FEN1: variants seen among roughly 807,000 people sequenced by gnomAD.
FEN1 encodes flap endonuclease 1.
Under a neutral mutation model 24.7 loss-of-function variants are expected in FEN1, and 19 were observed. The observed-to-expected ratio is 0.77, with a 90% confidence interval of 0.54 to 1.13. The LOEUF is 1.13. Ranked by LOEUF, FEN1 falls within the 50% of genes most tolerant of loss-of-function variation. The pLI, the probability that FEN1 is intolerant of heterozygous loss-of-function variation, is 0.00. For synonymous variants in FEN1, 155 were observed against 189.2 expected (o/e 0.82, Z 1.48); for missense variants, 339 against 488.7 (o/e 0.69, Z 2.89).
rs556821265 is a variant in FEN1 at position 61,795,023 on chromosome 11, G to A, written c.-21-318G>A. Among the ~76,000 whole-genome samples the A allele has an allele frequency of 7.9e-5, 12 of 152,212 alleles. No individual in the cohort carries two copies. Among genetic ancestry groups the A allele is most frequent in the Non-Finnish European group, 1.5e-4 (10 of 68,016 alleles). Reference sequence around the variant, plus strand: ...CAGGCCAAGCATCCTGGCCTTCTGTGGTCCTTGATGGAGACCTATGTTGCA... The same window carrying A: ...CAGGCCAAGCATCCTGGCCTTCTGTAGTCCTTGATGGAGACCTATGTTGCA... On this transcript the variant is annotated intron_variant, in intron 1 of 1. Transcript: ENST00000305885. This position sits in a 1 kb window ranked among gnomAD's most constrained non-coding sequence, Gnocchi z 4.1.
Position 61,793,037 on chromosome 11 carries a change from C to A in FEN1, c.-22+9C>A, listed in dbSNP as rs1365131109. 1.2e-5 allele frequency: 2 copies of A among 162,190 alleles called. No homozygotes were observed. The highest frequency in any genetic ancestry group is 2.7e-5 in the Non-Finnish European group (2 of 73,192). 10.0% of individuals were successfully genotyped at this position (162,190 alleles called of 1,614,324 possible). Reference sequence around the variant, plus strand: ...CGTGTCCCAAAGGCCAGGTGAGACCCCATGGGAAGCGCCTCCGGGAGCGAC... The same window carrying A: ...CGTGTCCCAAAGGCCAGGTGAGACCACATGGGAAGCGCCTCCGGGAGCGAC... On this transcript the variant is annotated intron_variant, in intron 1 of 1. Coordinates refer to ENST00000305885, the MANE Select transcript of FEN1 (RefSeq NM_004111.6).
chr11:61,795,866 G>T lies in FEN1; in HGVS notation c.505G>T (p.Ala169Ser), dbSNP rs760943389. The T allele has an allele frequency of 6.2e-7, 1 of 1,613,992 alleles. No individual in the cohort carries two copies. The highest frequency in any genetic ancestry group is 8.5e-7 in the Non-Finnish European group (1 of 1,180,038). ...GGCCAGCTGTGCTGCCCTGGTGAAG[G>T]CTGGCAAAGTCTATGCTGCGGCTAC... ...AEASCAALVK[A>S]GKVYAAATED... The change falls in exon 2 of 2, where the codon GCT (alanine) becomes TCT (serine). Residue 169 changes from alanine (A) to serine (S), a missense_variant. Around this residue, in one of 3 missense-constraint regions of FEN1, gnomAD observed 216 missense variants for 329.7 expected, o/e 0.66. Transcript: ENST00000305885. This position sits in a 1 kb window ranked among gnomAD's most constrained non-coding sequence, Gnocchi z 4.1.
In FEN1 at chr11:61,795,289, C is replaced by T; in HGVS notation, c.-21-52C>T. 6.8e-7 allele frequency: 1 copy of T among 1,462,362 alleles called. No homozygotes were observed. Among genetic ancestry groups the T allele is most frequent in the Non-Finnish European group, 9.2e-7 (1 of 1,085,478 alleles). 90.6% of individuals were successfully genotyped at this position (1,462,362 alleles called of 1,614,324 possible). A position where few individuals can be genotyped will look rare whatever the true frequency, so the allele number is the denominator to read the frequency against. On this transcript the variant is annotated intron_variant, in intron 1 of 1. Coordinates refer to ENST00000305885, the MANE Select transcript of FEN1 (RefSeq NM_004111.6). This position sits in a 1 kb window ranked among gnomAD's most constrained non-coding sequence, Gnocchi z 4.1. The stretch of plus-strand genomic sequence containing the variant: ...AGGCATGAAGTTGGTGAGATAACAC[C>T]AGTTATAACCTTTCTCCTTTCCTCC...
chr11:61,796,205 C>G lies in FEN1; in HGVS notation c.844C>G (p.Leu282Val). Residue 282 changes from leucine to valine, a missense_variant, in exon 2 of 2, where the codon CTC becomes GTC. By Grantham distance (32) the Leu-to-Val change is conservative. This residue lies in a region of FEN1 where 70 missense variants were observed against 64.9 expected (regional missense o/e 1.08). Transcript: ENST00000305885. ...ENWLHKEAHQ[L>V]FLEPEVLDPE... ...TTGGCTCCACAAGGAGGCTCACCAG[C>G]TCTTCTTGGAACCTGAGGTGCTGGA... is the stretch of plus-strand genomic sequence containing the variant. The G allele has an allele frequency of 6.2e-7, 1 of 1,613,254 alleles. No homozygotes were observed. Among genetic ancestry groups the G allele is most frequent in the South Asian group, 1.1e-5 (1 of 91,048 alleles).
At position 61,795,598 on chromosome 11, in the gene FEN1, C is replaced by G; in HGVS notation, c.237C>G (p.Ile79Met). Residue 79 changes from isoleucine (I) to methionine (M), a missense_variant, in exon 2 of 2, where the codon ATC (isoleucine) becomes ATG (methionine). By Grantham distance (10) the Ile-to-Met change is conservative (BLOSUM62 1). Around this residue, in one of 3 missense-constraint regions of FEN1, gnomAD observed 216 missense variants for 329.7 expected, o/e 0.66. Transcript: ENST00000305885. The surrounding 1 kb of genome is among the most constrained non-coding windows in gnomAD (Gnocchi z 4.1). ...CCATTCGCATGATGGAGAACGGCAT[C>G]AAGCCCGTGTATGTCTTTGATGGCA... ...YRTIRMMENG[I>M]KPVYVFDGKP... 6.2e-7 allele frequency: 1 copy of G among 1,614,222 alleles called. No individual in the cohort carries two copies. The highest frequency in any genetic ancestry group is 8.5e-7 in the Non-Finnish European group (1 of 1,180,050).
In FEN1 at chr11:61,792,930, C is replaced by A. The variant is rs1013052650; in HGVS notation, c.-120C>A. 1 of 279,692 alleles carries A rather than the reference C, an allele frequency of 3.6e-6. No individual in the cohort carries two copies. The highest frequency in any genetic ancestry group is 7.1e-6 in the Non-Finnish European group (1 of 140,758). The allele number at this position is 279,692 out of a possible 1,614,324, so 17.3% of individuals were successfully genotyped here. A position where few individuals can be genotyped will look rare whatever the true frequency, so the allele number is the denominator to read the frequency against. ...GAAGGCGGCTGAACGTCAGGCCACCCGCCGCTAAGCTGAGAAGGGAGAGCG... is the reference window on the plus strand; with the variant it reads ...GAAGGCGGCTGAACGTCAGGCCACCAGCCGCTAAGCTGAGAAGGGAGAGCG... On this transcript the variant is annotated 5_prime_UTR_variant, in exon 1 of 2. Transcript: ENST00000305885.
chr11:61,795,996 T>C lies in FEN1; in HGVS notation c.635T>C (p.Ile212Thr). Residue 212 changes from isoleucine to threonine, a missense_variant, in exon 2 of 2, where the codon ATT becomes ACT. Around this residue, in one of 3 missense-constraint regions of FEN1, gnomAD observed 216 missense variants for 329.7 expected, o/e 0.66. Coordinates refer to ENST00000305885, the MANE Select transcript of FEN1 (RefSeq NM_004111.6). This position sits in a 1 kb window ranked among gnomAD's most constrained non-coding sequence, Gnocchi z 4.1. The stretch of plus-strand genomic sequence containing the variant: ...ATCCAGGAATTCCACCTGAGCCGGA[T>C]TCTGCAGGAGCTGGGCCTGAACCAG... ...LPIQEFHLSR[I>T]LQELGLNQEQ... 2 of 1,614,220 alleles carry C rather than the reference T, an allele frequency of 1.2e-6. No homozygotes were observed. The highest frequency in any genetic ancestry group is 1.7e-6 in the Non-Finnish European group (2 of 1,180,040).
At chr11:61,794,261 C>G (rs534557342) in intron 1 of FEN1, among the ~76,000 whole-genome samples, 65 of 152,198 alleles carry the variant, frequency 4.3e-4, no homozygotes, top group Non-Finnish European at 8.1e-4. Flanking sequence ...ACTGCATTCT[C>G]TGCCTCCTGG....
chr11:61,795,613 C>A lies in FEN1; in HGVS notation c.252C>A (p.Val84=), dbSNP rs776255928. The stretch of plus-strand genomic sequence containing the variant: ...AGAACGGCATCAAGCCCGTGTATGT[C>A]TTTGATGGCAAGCCGCCACAGCTCA... ...MMENGIKPVY[V]FDGKPPQLKS... The change falls in exon 2 of 2, where the codon GTC becomes GTA. Residue 84 remains valine (V), a synonymous_variant. Coordinates refer to ENST00000305885, the MANE Select transcript of FEN1 (RefSeq NM_004111.6). The surrounding 1 kb of genome is among the most constrained non-coding windows in gnomAD (Gnocchi z 4.1). The A allele has an allele frequency of 4.3e-5, 69 of 1,614,040 alleles. 1 individual carries two copies. Among genetic ancestry groups the A allele is most frequent in the Non-Finnish European group, 5.4e-5 (64 of 1,180,058 alleles).
In FEN1 at chr11:61,795,709, T is replaced by G; in HGVS notation, c.348T>G (p.Ala116=). 6.2e-7 allele frequency: 1 copy of G among 1,613,860 alleles called. No individual in the cohort carries two copies. Among genetic ancestry groups the G allele is most frequent in the Non-Finnish European group, 8.5e-7 (1 of 1,179,974 alleles). The change falls in exon 2 of 2, where the codon GCT becomes GCG. Residue 116 remains alanine (A), a synonymous_variant. Transcript: ENST00000305885. This position sits in a 1 kb window ranked among gnomAD's most constrained non-coding sequence, Gnocchi z 4.1. ...AGAAGCAGCTGCAGCAGGCTCAGGC[T>G]GCTGGGGCCGAGCAGGAGGTGGAAA... ...EAEKQLQQAQ[A]AGAEQEVEKF...
rs370694477 is a variant in FEN1, at chr11:61,795,346, C to T, written c.-16C>T. 2.9e-5 allele frequency: 45 copies of T among 1,575,994 alleles called. No homozygotes were observed. The South Asian group carries it at 3.6e-4, about 13-fold the overall frequency. ...GACTTGCCTTTCTTTTTTAGTCATCCCTCCTCTGTGTTGCCATGGGAATTC... is the reference window on the plus strand; with the variant it reads ...GACTTGCCTTTCTTTTTTAGTCATCTCTCCTCTGTGTTGCCATGGGAATTC... On this transcript the variant is annotated 5_prime_UTR_variant, in exon 2 of 2. Transcript: ENST00000305885. This position sits in a 1 kb window ranked among gnomAD's most constrained non-coding sequence, Gnocchi z 4.1.
Position 61,795,329 on chromosome 11 carries a change from T to C in FEN1, c.-21-12T>C. ...TCCTTTCCTCCGTCTCTGACTTGCC[T>C]TTCTTTTTTAGTCATCCCTCCTCTG... is the stretch of plus-strand genomic sequence containing the variant. On this transcript the variant is annotated splice_polypyrimidine_tract_variant and intron_variant, in intron 1 of 1. Coordinates refer to ENST00000305885, the MANE Select transcript of FEN1 (RefSeq NM_004111.6). This position sits in a 1 kb window ranked among gnomAD's most constrained non-coding sequence, Gnocchi z 4.1. The C allele has an allele frequency of 6.4e-7, 1 of 1,554,372 alleles. No individual in the cohort carries two copies. The highest frequency in any genetic ancestry group is 1.4e-5 in the African/African-American group (1 of 73,386).
chr11:61,796,813 A>G lies in FEN1; in HGVS notation c.*309A>G. ...AACAAGTTTTGGAGAAGAGAGAGGG[A>G]GATAAAAGGGGGAGACAAAAGATGT... On this transcript the variant is annotated 3_prime_UTR_variant, in exon 2 of 2. Coordinates refer to ENST00000305885, the MANE Select transcript of FEN1 (RefSeq NM_004111.6). The G allele has an allele frequency of 2.9e-6, 1 of 344,980 alleles. No homozygotes were observed. Among genetic ancestry groups the G allele is most frequent in the Non-Finnish European group, 5.6e-6 (1 of 177,832 alleles). 21.4% of individuals were successfully genotyped at this position (344,980 alleles called of 1,614,324 possible). A position where few individuals can be genotyped will look rare whatever the true frequency, so the allele number is the denominator to read the frequency against.
chr11:61,793,951 C>T (rs996877360), intron 1 of FEN1, among the ~76,000 whole-genome samples: 1 of 152,148 alleles, frequency 6.6e-6, no homozygotes. Flanking sequence ...TTTCTTCTTT[C>T]TCTTTTCTTT....
In FEN1 at chr11:61,797,140, A is replaced by C. The variant is rs1028972154; in HGVS notation, c.*636A>C. 2 of 167,336 alleles carry C rather than the reference A, an allele frequency of 1.2e-5. No homozygotes were observed. Among genetic ancestry groups the C allele is most frequent in the African/African-American group, 4.8e-5 (2 of 41,456 alleles). 10.4% of individuals were successfully genotyped at this position (167,336 alleles called of 1,614,324 possible). ...AGTAAGATGGTGATGTTCACCTGGC[A>C]ATCAGCTGAGTTGAGACTTTGGAAT... On this transcript the variant is annotated 3_prime_UTR_variant, in exon 2 of 2. Transcript: ENST00000305885.
chr11:61,796,377 G>A lies in FEN1; in HGVS notation c.1016G>A (p.Arg339His), dbSNP rs573495657. 8 of 1,613,666 alleles carry A rather than the reference G, an allele frequency of 5.0e-6. No homozygotes were observed. The highest frequency in any genetic ancestry group is 3.3e-5 in the South Asian group (3 of 91,046). ...SKSRQGSTQG[R>H]LDDFFKVTGS... is the part of the protein sequence containing the mutation. Reference sequence around the variant, plus strand: ...AGCCGCCAAGGCAGCACCCAGGGCCGCCTGGATGATTTCTTCAAGGTGACC... The same window carrying A: ...AGCCGCCAAGGCAGCACCCAGGGCCACCTGGATGATTTCTTCAAGGTGACC... Residue 339 changes from arginine (R) to histidine (H), a missense_variant, in exon 2 of 2, where the codon CGC becomes CAC. Around this residue, in one of 3 missense-constraint regions of FEN1, gnomAD observed 53 missense variants for 94.1 expected, o/e 0.56. Transcript: ENST00000305885.
Position 61,795,277 on chromosome 11 carries a change from G to T in FEN1, c.-21-64G>T, listed in dbSNP as rs569289035. On this transcript the variant is annotated intron_variant, in intron 1 of 1. Transcript: ENST00000305885. The surrounding 1 kb of genome is among the most constrained non-coding windows in gnomAD (Gnocchi z 4.1). ...GAATTTAGTTGAAGGCATGAAGTTG[G>T]TGAGATAACACCAGTTATAACCTTT... The T allele has an allele frequency of 1.4e-6, 2 of 1,389,354 alleles. No homozygotes were observed. The highest frequency in any genetic ancestry group is 2.9e-5 in the South Asian group (2 of 69,940). 86.1% of individuals were successfully genotyped at this position (1,389,354 alleles called of 1,614,324 possible). A position where few individuals can be genotyped will look rare whatever the true frequency, so the allele number is the denominator to read the frequency against.
chr11:61,796,531 A>G lies in FEN1; in HGVS notation c.*27A>G. 1 of 1,560,266 alleles carries G rather than the reference A, an allele frequency of 6.4e-7. No individual in the cohort carries two copies. Among genetic ancestry groups the G allele is most frequent in the Non-Finnish European group, 8.7e-7 (1 of 1,153,818 alleles). On this transcript the variant is annotated 3_prime_UTR_variant, in exon 2 of 2. Transcript: ENST00000305885. ...TGTGTTTCCCCATTATACCTCCTTC[A>G]CCCCAGAATATTTGCCGTCTTGTAC...
chr11:61,796,323 T>C lies in FEN1; in HGVS notation c.962T>C (p.Ile321Thr), dbSNP rs141650861. The C allele has an allele frequency of 9.8e-5, 158 of 1,613,050 alleles. No individual in the cohort carries two copies. The highest frequency in any genetic ancestry group is 1.3e-4 in the Non-Finnish European group (154 of 1,180,028). The change falls in exon 2 of 2, where the codon ATC (isoleucine) becomes ACC (threonine). Residue 321 changes from isoleucine to threonine, a missense_variant. Physicochemically the swap from Ile to Thr is moderately conservative, Grantham distance 89. Coordinates refer to ENST00000305885, the MANE Select transcript of FEN1 (RefSeq NM_004111.6). ...GAAAAGCAGTTCTCTGAGGAGCGAA[T>C]CCGCAGTGGGGTCAAGAGGCTGAGT... ...CGEKQFSEER[I>T]RSGVKRLSKS...
Sources: gnomAD v4.1 joint callset for allele counts (sites outside exome capture counted in the v4.1 genomes callset) on GRCh38, gnomAD v4.1.1 for gene constraint, gnomAD v4.1.1 regional missense constraint, Gnocchi (gnomAD v3.1) non-coding constraint, MANE v1.5 for transcripts, NCBI Gene and HGNC (gene_info 2026-07-23, HGNC 2026-07-21) for gene names.